TENM3: variants seen among roughly 807,000 people sequenced by gnomAD.
The protein encoded by TENM3 is teneurin transmembrane protein 3.
In TENM3, 63 loss-of-function variants were observed where a neutral mutation model predicts 255.1. The ratio of observed to expected loss-of-function variants is 0.25; its 90% CI spans 0.20 to 0.30. The LOEUF (loss-of-function observed/expected upper bound fraction) is 0.30, where lower values mean the gene tolerates loss of function less well. Ranked by LOEUF, TENM3 falls within the 10% of genes least tolerant of loss-of-function variation. TENM3 has a pLI of 1.00. For missense variants in TENM3, 2,929 were observed against 3,461.1 expected, an observed-to-expected ratio of 0.85 and a Z score of 3.86; for synonymous variants, 1,306 against 1,322.3, an observed-to-expected ratio of 0.99 and a Z score of 0.27.
chr4:181,790,911 A>G, the TENM3 span, among the ~76,000 whole-genome samples: 4 of 152,144 alleles, frequency 2.6e-5, no homozygotes, highest in Admixed American at 1.3e-4. Flanking sequence ...CAGATCCCCT[A>G]CTTAGTCCTA....
chr4:182,121,880 T>C, the TENM3 span, among the ~76,000 whole-genome samples: 5 of 152,256 alleles, frequency 3.3e-5, no homozygotes, highest in Admixed American at 2.6e-4. Flanking sequence ...TAGTGTGTGA[T>C]GCTATTTGAT....
intron 12 of TENM3, among the ~76,000 whole-genome samples, chr4:182,688,769 A>G (rs2152575815): frequency 6.6e-6 from 1 of 152,332 alleles, no homozygotes; most frequent in South Asian, 2.1e-4. Context: ...AGTTTCCAGA[A>G]TCACATAGCT....
At chr4:181,979,222 A>G in the TENM3 span, among the ~76,000 whole-genome samples, 11 of 141,568 alleles carry the variant, frequency 7.8e-5, no homozygotes, top group Non-Finnish European at 1.5e-4. Flanking sequence ...GCACTTATAT[A>G]GAGTTTTTTT....
intron 16 of TENM3, among the ~76,000 whole-genome samples, chr4:182,734,521 C>A (rs1022532236): frequency 6.6e-6 from 1 of 152,112 alleles, no homozygotes; most frequent in Non-Finnish European, 1.5e-5. Context: ...TATATCCATG[C>A]GTATCCAGGG....
chr4:182,710,240 C>T lies in TENM3; in HGVS notation c.2222-3847C>T, dbSNP rs77814431. Among the ~76,000 whole-genome samples the T allele has an allele frequency of 3.7e-4, 56 of 152,160 alleles. No individual in the cohort carries two copies. In the East Asian group the frequency reaches 3.9e-3, roughly 10 times the overall value. On this transcript the variant is annotated intron_variant, in intron 12 of 27. Transcript: ENST00000511685. The stretch of plus-strand genomic sequence containing the variant: ...TGAGAATCAGAAACTCCAGAAGTTT[C>T]GATGGCACTTTCTTTATGTTCAAAT...
chr4:181,933,592 G>A, the TENM3 span, among the ~76,000 whole-genome samples: 1,079 of 152,254 alleles, frequency 7.1e-3, 7 homozygotes, highest in African/African-American at 0.025. Flanking sequence ...GGGTTAATAG[G>A]TCTATCTAGC....
chr4:181,759,341 A>G, the TENM3 span, among the ~76,000 whole-genome samples: 3 of 152,068 alleles, frequency 2.0e-5, 1 homozygote, highest in Admixed American at 2.0e-4. Context: ...GAGAGACAAA[A>G]CCCATCTGCT....
intron 1 of TENM3, among the ~76,000 whole-genome samples, chr4:182,163,088 A>G (rs1238920530): frequency 6.6e-6 from 1 of 152,156 alleles, no homozygotes; most frequent in Admixed American, 6.5e-5. Flanking sequence ...CACTACCTGT[A>G]CTAATCAGTC....
chr4:182,030,036 G>A, the TENM3 span, among the ~76,000 whole-genome samples: 1 of 84,972 alleles, frequency 1.2e-5, no homozygotes, highest in East Asian at 3.5e-4. Flanking sequence ...GTTGTCCTAT[G>A]TTCAATCAAT....
chr4:181,654,786 C>T, the TENM3 span, among the ~76,000 whole-genome samples: 12 of 150,326 alleles, frequency 8.0e-5, no homozygotes, highest in African/African-American at 2.9e-4. Flanking sequence ...AAGTGGTCCT[C>T]AGATCACTCA....
At chr4:182,055,303 C>CCACT in the TENM3 span, among the ~76,000 whole-genome samples, 4 of 151,892 alleles carry the variant, frequency 2.6e-5, no homozygotes, top group Non-Finnish European at 5.9e-5. Context: ...CATGATGGTG[C>CCACT]CACTGCACTC....
At chr4:181,850,058 T>G in the TENM3 span, among the ~76,000 whole-genome samples, 1 of 150,940 alleles carries the variant, frequency 6.6e-6, no homozygotes, top group Non-Finnish European at 1.5e-5. Context: ...CTTCTTGCCT[T>G]TCTCTTCTCT....
the TENM3 span, among the ~76,000 whole-genome samples, chr4:181,881,690 G>C: frequency 6.6e-6 from 1 of 152,116 alleles, no homozygotes; most frequent in Non-Finnish European, 1.5e-5. Context: ...GACTGAGTGT[G>C]TTTCCTGGAG....
the TENM3 span, among the ~76,000 whole-genome samples, chr4:181,686,795 A>T: frequency 2.6e-5 from 4 of 152,332 alleles, no homozygotes; most frequent in Middle Eastern, 3.4e-3. Flanking sequence ...TTTTTAAAAT[A>T]AAATAATAGA....
At chr4:181,694,735 C>A in the TENM3 span, among the ~76,000 whole-genome samples, 1 of 152,164 alleles carries the variant, frequency 6.6e-6, no homozygotes, top group Non-Finnish European at 1.5e-5. Flanking sequence ...ATACACAGAG[C>A]TTTGCGTTAA....
intron 3 of TENM3, among the ~76,000 whole-genome samples, chr4:182,362,479 C>T (rs983803687): frequency 6.6e-6 from 1 of 152,090 alleles, no homozygotes; most frequent in East Asian, 1.9e-4. Flanking sequence ...TCTCAGACTG[C>T]TGTGCTAGCA....
At chr4:182,403,131 A>G (rs1404301623) in intron 3 of TENM3, among the ~76,000 whole-genome samples, 2 of 152,202 alleles carry the variant, frequency 1.3e-5, no homozygotes, top group African/African-American at 2.4e-5. Context: ...CAATATTTCT[A>G]TCTTTCAGAC....
chr4:181,696,632 G>C, the TENM3 span, among the ~76,000 whole-genome samples: 7 of 152,180 alleles, frequency 4.6e-5, no homozygotes, highest in Non-Finnish European at 2.9e-5. Context: ...GGCCAAATTT[G>C]ATTTACTTAT....
chr4:182,164,022 T>C (rs1358605015), intron 1 of TENM3, among the ~76,000 whole-genome samples: 1 of 152,182 alleles, frequency 6.6e-6, no homozygotes, highest in East Asian at 1.9e-4. Context: ...GATATGAGTA[T>C]CCAGGGGGAC....
Sources: gnomAD v4.1 joint callset for allele counts (sites outside exome capture counted in the v4.1 genomes callset) on GRCh38, gnomAD v4.1.1 for gene constraint, MANE v1.5 for transcripts, NCBI Gene and HGNC (gene_info 2026-07-23, HGNC 2026-07-21) for gene names.